Variants in CES4A observed in about 807,000 individuals in gnomAD.
CES4A encodes carboxylesterase 4A.
CES4A carries 48 observed loss-of-function variants against 65.4 expected under a neutral mutation model. The ratio of observed to expected loss-of-function variants is 0.73; its 90% CI spans 0.58 to 0.93. The LOEUF (loss-of-function observed/expected upper bound fraction) is 0.93, where lower values mean the gene tolerates loss of function less well. Ranked by LOEUF, CES4A falls within the 40% of genes least tolerant of loss-of-function variation. CES4A has a pLI of 0.00. For missense variants in CES4A, 685 were observed against 728.5 expected, an observed-to-expected ratio of 0.94 and a Z score of 0.69; for synonymous variants, 247 against 281.8, an observed-to-expected ratio of 0.88 and a Z score of 1.24.
chr16:66,990,350 A>G (rs1324848968), intron 1 of CES4A, among the ~76,000 whole-genome samples: 1 of 151,890 alleles, frequency 6.6e-6, no homozygotes, highest in Non-Finnish European at 1.5e-5. Context: ...ACCATGCCCA[A>G]CCTCTTTTCA....
intron 1 of CES4A, among the ~76,000 whole-genome samples, chr16:66,992,766 C>T (rs1206309079): frequency 6.6e-6 from 1 of 152,176 alleles, no homozygotes; most frequent in African/African-American, 2.4e-5. Flanking sequence ...CAACCTCCTC[C>T]TCGCGGGTTC....
intron 9 of CES4A, 48 bp from the exon 10 acceptor site, chr16:67,004,745 C>G: frequency 6.8e-7 from 1 of 1,462,882 alleles, no homozygotes; most frequent in Non-Finnish European, 9.3e-7. Flanking sequence ...CAGAATCCCT[C>G]CTAATGCTCA....
rs1263896891 is a variant in CES4A at position 67,000,191 on chromosome 16, A to G, written c.261-447A>G. ...CGCCAGAGTGTGGCCGAGGAGTAGG[A>G]GGAGTGTGAAGAGGCTGGGGTACTG... On this transcript the variant is annotated intron_variant, in intron 2 of 13. Transcript: ENST00000648724. This position sits in a 1 kb window ranked among gnomAD's most constrained non-coding sequence, Gnocchi z 4.2. 6.6e-6 allele frequency among the ~76,000 whole-genome samples: 1 copy of G among 152,144 alleles called. No individual in the cohort carries two copies. Among genetic ancestry groups the G allele is most frequent in the Non-Finnish European group, 1.5e-5 (1 of 68,028 alleles).
rs1381876023 is a variant in CES4A, at chr16:67,000,688, G to A, written c.311G>A (p.Arg104Gln). The A allele has an allele frequency of 1.3e-6, 2 of 1,550,658 alleles. No individual in the cohort carries two copies. The highest frequency in any genetic ancestry group is 1.7e-6 in the Non-Finnish European group (2 of 1,147,436). Residue 104 changes from arginine to glutamine, a missense_variant, in exon 3 of 14, where the codon CGG becomes CAG. Physicochemically the swap from Arg to Gln is conservative, Grantham distance 43. Transcript: ENST00000648724. The surrounding 1 kb of genome is among the most constrained non-coding windows in gnomAD (Gnocchi z 4.2). ...CTGGCCTCGATGTACGTCAGCACGC[G>A]GGAACGGTACAAGTGGCTGCGCTTC...
chr16:67,006,746 C>A (rs1319758093), exon 13 of CES4A: 1 of 1,614,084 alleles, frequency 6.2e-7, no homozygotes, highest in Non-Finnish European at 8.5e-7. Flanking sequence ...TGCCCCCAGG[C>A]CTTTCCATGG....
intron 1 of CES4A, among the ~76,000 whole-genome samples, chr16:66,990,315 A>G (rs1964289681): frequency 6.6e-6 from 1 of 152,066 alleles, no homozygotes; most frequent in Non-Finnish European, 1.5e-5. Flanking sequence ...GGCCTCCCAA[A>G]GTGCTGGGAC....
chr16:67,001,192 C>A lies in CES4A; in HGVS notation c.537-116C>A. Reference sequence around the variant, plus strand: ...AACTCCAAGGAAGGGGGTGTGGTCGCAGGACTGGGTCTTAGAGGGGCAAGG... The same window carrying A: ...AACTCCAAGGAAGGGGGTGTGGTCGAAGGACTGGGTCTTAGAGGGGCAAGG... On this transcript the variant is annotated intron_variant, in intron 4 of 13. Coordinates refer to ENST00000648724, the Ensembl canonical transcript of CES4A. This position sits in a 1 kb window ranked among gnomAD's most constrained non-coding sequence, Gnocchi z 4.1. 1 of 1,388,550 alleles carries A rather than the reference C, an allele frequency of 7.2e-7. No homozygotes were observed. The highest frequency in any genetic ancestry group is 9.6e-7 in the Non-Finnish European group (1 of 1,046,802). 86.0% of individuals were successfully genotyped at this position (1,388,550 alleles called of 1,614,324 possible). A position where few individuals can be genotyped will look rare whatever the true frequency, so the allele number is the denominator to read the frequency against.
At chr16:67,004,126 C>G in exon 9 of CES4A, 1 of 1,614,084 alleles carries the variant, frequency 6.2e-7, no homozygotes, top group Non-Finnish European at 8.5e-7. Context: ...TGTGGTGATC[C>G]CAGATGACCC....
chr16:66,995,763 G>A (rs1219228481), exon 2 of CES4A: 7 of 1,614,206 alleles, frequency 4.3e-6, no homozygotes. Context: ...GGTATCCTCA[G>A]GTTTGCACCT....
Position 67,009,055 on chromosome 16 carries a change from A to C in CES4A, c.1599A>C (p.Arg533Ser), listed in dbSNP as rs755894237. ...ACCTGCAGCTGGATTTTACCACAAG[A>C]GTGGGCATGAAGCTCAAGGAGAAGA... Residue 533 changes from arginine to serine, a missense_variant, in exon 14 of 14, where the codon AGA becomes AGC. Transcript: ENST00000648724. 7.4e-6 allele frequency: 12 copies of C among 1,614,204 alleles called. No homozygotes were observed. In the South Asian group the frequency reaches 1.2e-4, roughly 16 times the overall value.
exon 14 of CES4A, chr16:67,009,215 A>C (rs1966004608): frequency 7.0e-7 from 1 of 1,434,040 alleles, no homozygotes; most frequent in African/African-American, 1.4e-5. Flanking sequence ...CTAGCCATGG[A>C]CATACCTGGG....
chr16:67,006,487 T>C (rs1965769812), exon 12 of CES4A: 1 of 1,536,792 alleles, frequency 6.5e-7, no homozygotes, highest in African/African-American at 1.4e-5. Context: ...GGGGATGAGA[T>C]GTACTTCCTC....
At position 67,000,493 on chromosome 16, in the gene CES4A, C is replaced by T. The variant is rs1052661119; in HGVS notation, c.261-145C>T. ...GGGCCCCGGGGCTGGCGGAGGCCTC[C>T]TGTACACGCACACGCACGCACATGC... On this transcript the variant is annotated intron_variant, in intron 2 of 13. Transcript: ENST00000648724. This position sits in a 1 kb window ranked among gnomAD's most constrained non-coding sequence, Gnocchi z 4.2. 8 of 1,435,504 alleles carry T rather than the reference C, an allele frequency of 5.6e-6. No individual in the cohort carries two copies. Among genetic ancestry groups the T allele is most frequent in the African/African-American group, 1.4e-5 (1 of 69,674 alleles). The allele number at this position is 1,435,504 out of a possible 1,614,324, so 88.9% of individuals were successfully genotyped here.
intron 2 of CES4A, among the ~76,000 whole-genome samples, chr16:66,997,674 T>C (rs1222829556): frequency 6.6e-6 from 1 of 152,066 alleles, no homozygotes; most frequent in Non-Finnish European, 1.5e-5. Context: ...TTGGGCAAAA[T>C]AGGAATTCAT....
At chr16:67,010,067 T>G (rs1250598218), downstream of CES4A, among the ~76,000 whole-genome samples, 2 of 142,756 alleles carry the variant, frequency 1.4e-5, no homozygotes, top group Non-Finnish European at 3.1e-5. Flanking sequence ...TTTGTGGGGT[T>G]TTTTTTTTTT....
chr16:66,989,194 C>T (rs1008555596), intron 1 of CES4A, among the ~76,000 whole-genome samples: 1 of 152,124 alleles, frequency 6.6e-6, no homozygotes, highest in Non-Finnish European at 1.5e-5. Flanking sequence ...AACCTCTTTA[C>T]CACCTTCAAA....
chr16:67,008,986 T>A lies in CES4A; in HGVS notation c.1530T>A (p.Asp510Glu). ...TATTTCTGGGCAGAAACCCCAATGATGGGAATCTGCCCTGCTGGCCACGCT... is the reference window on the plus strand; with the variant it reads ...TATTTCTGGGCAGAAACCCCAATGAAGGGAATCTGCCCTGCTGGCCACGCT... The change falls in exon 14 of 14, where the codon GAT (aspartate) becomes GAA (glutamate). Residue 510 changes from aspartate to glutamate, a missense_variant. Asp to Glu is a conservative substitution (Grantham distance 45). Coordinates refer to ENST00000648724, the Ensembl canonical transcript of CES4A. 3 of 1,612,516 alleles carry A rather than the reference T, an allele frequency of 1.9e-6. No individual in the cohort carries two copies. Among genetic ancestry groups the A allele is most frequent in the Non-Finnish European group, 2.5e-6 (3 of 1,179,604 alleles).
At chr16:66,999,136 G>A (rs1965087173) in intron 2 of CES4A, among the ~76,000 whole-genome samples, 1 of 152,202 alleles carries the variant, frequency 6.6e-6, no homozygotes. Flanking sequence ...GCTGCCAAAG[G>A]AGTGTTGGAA....
At chr16:67,005,137 C>T in intron 10 of CES4A, 103 bp from the exon 11 acceptor site, 1 of 1,244,796 alleles carries the variant, frequency 8.0e-7, no homozygotes, top group Non-Finnish European at 1.2e-6. Context: ...CCCTCCCAGG[C>T]CAAAAACTCC....
Sources: allele counts gnomAD v4.1 joint callset (sites outside exome capture counted in the v4.1 genomes callset), GRCh38; gene constraint gnomAD v4.1.1; non-coding constraint Gnocchi (gnomAD v3.1); transcripts MANE v1.5; gene names NCBI Gene and HGNC (gene_info 2026-07-23, HGNC 2026-07-21).